The following SLC2A5 variants were observed in gnomAD, a reference collection of about 807,000 sequenced individuals.
SLC2A5 encodes solute carrier family 2, facilitated glucose transporter member 5.
Under a neutral mutation model 50.3 loss-of-function variants are expected in SLC2A5, and 56 were observed. The ratio of observed to expected loss-of-function variants is 1.11; its 90% CI spans 0.90 to 1.39. The LOEUF is 1.39. Ranked by LOEUF, SLC2A5 falls within the 40% of genes most tolerant of loss-of-function variation. The pLI, the probability that SLC2A5 is intolerant of heterozygous loss-of-function variation, is 0.00. For synonymous variants in SLC2A5, 269 were observed against 281.9 expected, an observed-to-expected ratio of 0.95 and a Z score of 0.46; for missense variants, 566 against 650.1, an observed-to-expected ratio of 0.87 and a Z score of 1.41.
chr1:9,046,195 C>T (rs2124345237), intron 4 of SLC2A5, among the ~76,000 whole-genome samples: 1 of 152,146 alleles, frequency 6.6e-6, no homozygotes. Context: ...CTCAAGGGGC[C>T]CACTCTGCAC....
intron 1 of SLC2A5, among the ~76,000 whole-genome samples, chr1:9,066,191 C>T (rs534883638): frequency 8.9e-4 from 135 of 152,116 alleles, no homozygotes; most frequent in African/African-American, 3.2e-3. Context: ...CAAAGCACTT[C>T]GGCATCTTTT....
At chr1:9,088,814 A>G (rs547752220), upstream of SLC2A5, among the ~76,000 whole-genome samples, 1 of 152,210 alleles carries the variant, frequency 6.6e-6, no homozygotes, top group Admixed American at 6.5e-5. Context: ...AGCAAAAGCT[A>G]CTTCAGCCAG....
At position 9,058,250 on chromosome 1, in the gene SLC2A5, T is replaced by C. The variant is rs1641815895; in HGVS notation, c.34A>G (p.Arg12Gly). ...GCCAGGGCAAGCACAAGCGTCAGCC[T>C]CTGCAGAGATCACAGCTTAGGTCAG... Reference protein sequence around the residue: ...EQQDQSMKEGRLTLVLALATL... With the variant: ...EQQDQSMKEGGLTLVLALATL... Residue 12 changes from arginine to glycine, a missense_variant and splice_region_variant, in exon 2 of 12, where the codon AGG becomes GGG. Transcript: ENST00000377424. The C allele has an allele frequency of 1.9e-6, 3 of 1,612,372 alleles. No homozygotes were observed. In the Admixed American group the frequency reaches 5.0e-5, roughly 27 times the overall value.
rs368743770 is a variant in SLC2A5 at position 9,047,690 on chromosome 1, G to T, written c.338C>A (p.Ala113Glu). The T allele has an allele frequency of 1.2e-6, 2 of 1,613,622 alleles. No individual in the cohort carries two copies. The highest frequency in any genetic ancestry group is 1.3e-5 in the African/African-American group (1 of 74,892). ...LFNNIFSIVP[A>E]ILMGCSRVAT... ...GACTCTGCTGCATCCCATTAAGATC[G>T]CAGGCACGATAGAAAATATGTTGTT... Residue 113 changes from alanine (A) to glutamate (E), a missense_variant, in exon 4 of 12, where the codon GCG (alanine) becomes GAG (glutamate). Physicochemically the swap from Ala to Glu is moderately radical, Grantham distance 107 (BLOSUM62 -1). Coordinates refer to ENST00000377424, the MANE Select transcript of SLC2A5 (RefSeq NM_003039.3).
chr1:9,076,380 A>T (rs908548461), intron 2 of SLC2A5, among the ~76,000 whole-genome samples: 2 of 152,224 alleles, frequency 1.3e-5, no homozygotes, highest in Non-Finnish European at 2.9e-5. Context: ...GCTTATCAAG[A>T]CTGCATTTAT....
intron 8 of SLC2A5, 68 bp downstream of exon 8, chr1:9,039,484 G>C: frequency 8.4e-7 from 1 of 1,193,332 alleles, no homozygotes; most frequent in Non-Finnish European, 1.2e-6. Flanking sequence ...TTTTGGCGGC[G>C]CCGAGGCTGG....
chr1:9,040,080 T>G lies in SLC2A5; in HGVS notation c.681A>C (p.Glu227Asp). The change falls in exon 6 of 12, where the codon GAA becomes GAC. Residue 227 changes from glutamate (E) to aspartate (D), a missense_variant. Glu to Asp is a conservative substitution (Grantham distance 45). Transcript: ENST00000377424. This position sits in a 1 kb window ranked among gnomAD's most constrained non-coding sequence, Gnocchi z 4.3. ...CCTCGTTACCTTTCTTGGCGGCCGC[T>G]TCGTCTTTCTTCTGAATCAGCAGGT... ...PRYLLIQKKD[E>D]AAAKKALQTL... 1 of 1,589,530 alleles carries G rather than the reference T, an allele frequency of 6.3e-7. No individual in the cohort carries two copies. The highest frequency in any genetic ancestry group is 8.6e-7 in the Non-Finnish European group (1 of 1,166,848).
intron 1 of SLC2A5, among the ~76,000 whole-genome samples, chr1:9,059,193 A>G (rs1336676368): frequency 8.7e-6 from 1 of 114,294 alleles, no homozygotes; most frequent in Non-Finnish European, 1.6e-5. Flanking sequence ...CCCAGGCTGG[A>G]GTGCAGTGGC....
At chr1:9,092,959 C>T (rs780898092), upstream of SLC2A5, among the ~76,000 whole-genome samples, 9 of 152,252 alleles carry the variant, frequency 5.9e-5, no homozygotes, top group Non-Finnish European at 7.4e-5. Context: ...TTGGGCGCTC[C>T]CACGTAAGCC....
At chr1:9,067,687 G>T (rs1311957170) in intron 1 of SLC2A5, among the ~76,000 whole-genome samples, 1 of 152,172 alleles carries the variant, frequency 6.6e-6, no homozygotes, top group East Asian at 1.9e-4. Flanking sequence ...GTGCCTCTCA[G>T]TTGAGGGCTG....
At chr1:9,050,369 T>C (rs1033486183) in intron 3 of SLC2A5, among the ~76,000 whole-genome samples, 1 of 150,506 alleles carries the variant, frequency 6.6e-6, no homozygotes, top group African/African-American at 2.5e-5. Context: ...GAGGCGGGAG[T>C]ATTGCTTGAG....
intron 3 of SLC2A5, among the ~76,000 whole-genome samples, chr1:9,051,767 C>G (rs1167276641): frequency 1.3e-5 from 2 of 152,148 alleles, no homozygotes; most frequent in African/African-American, 4.8e-5. Context: ...TATGATCCAG[C>G]AATCACATAC....
chr1:9,047,899 C>T (rs1041925416), intron 3 of SLC2A5, among the ~76,000 whole-genome samples, 165 bp from the exon 4 acceptor site: 8 of 152,138 alleles, frequency 5.3e-5, no homozygotes, highest in Admixed American at 1.3e-4. Flanking sequence ...AAGTGCATGG[C>T]CTGGTGTGGG....
At chr1:9,046,604 T>C (rs1641439454) in intron 4 of SLC2A5, among the ~76,000 whole-genome samples, 2 of 152,024 alleles carry the variant, frequency 1.3e-5, no homozygotes, top group Admixed American at 6.6e-5. Flanking sequence ...TTCTCAAGCT[T>C]TTTTGACTCT....
intron 2 of SLC2A5, chr1:9,082,736 G>A (rs1279505344): frequency 2.7e-6 from 1 of 375,220 alleles, no homozygotes; most frequent in South Asian, 2.1e-5. Flanking sequence ...AACCTGCCCA[G>A]TTGTGGGTGC....
chr1:9,059,174 GC>G (rs1641839950), intron 1 of SLC2A5, among the ~76,000 whole-genome samples: 1 of 114,670 alleles, frequency 8.7e-6, no homozygotes, highest in African/African-American at 3.4e-5. Context: ...ACAGAGTCTT[GC>G]TCTGTCACCC....
At chr1:9,042,065 A>C in intron 4 of SLC2A5, 128 bp from the exon 5 acceptor site, 3 of 1,277,754 alleles carry the variant, frequency 2.3e-6, no homozygotes, top group Non-Finnish European at 3.1e-6. Context: ...GCAAAGGAGA[A>C]AGCAAACACC....
At position 9,053,090 on chromosome 1, in the gene SLC2A5, A is replaced by ATATATAT. The variant is rs1335541490; in HGVS notation, c.293+4351_293+4357dup. On this transcript the variant is annotated intron_variant, in intron 3 of 11. Transcript: ENST00000377424. Reference sequence around the variant, plus strand: ...TTATATATTTATATATTAATATATAATATATATTTATATATAATATATATT... The same window carrying ATATATAT: ...TTATATATTTATATATTAATATATAATATATATTATATATTTATATATAATATATATT... 1.5e-3 allele frequency among the ~76,000 whole-genome samples: 150 copies of ATATATAT among 97,998 alleles called. 3 individuals carry two copies. In the East Asian group the frequency reaches 0.032, roughly 21 times the overall value. The allele number at this position is 97,998 out of a possible 152,430, so 64.3% of individuals were successfully genotyped here. A position where few individuals can be genotyped will look rare whatever the true frequency, so the allele number is the denominator to read the frequency against.
intron 3 of SLC2A5, among the ~76,000 whole-genome samples, chr1:9,050,960 G>T (rs1641558045): frequency 6.6e-6 from 1 of 152,262 alleles, no homozygotes; most frequent in South Asian, 2.1e-4. Context: ...CTGGACTGAT[G>T]AAATTCCAGG....
Sources: gnomAD v4.1 joint callset for allele counts (sites outside exome capture counted in the v4.1 genomes callset) on GRCh38, gnomAD v4.1.1 for gene constraint, Gnocchi (gnomAD v3.1) non-coding constraint, MANE v1.5 for transcripts, NCBI Gene and HGNC (gene_info 2026-07-23, HGNC 2026-07-21) for gene names.